Variants in GCLC observed in about 807,000 individuals in gnomAD.
GCLC encodes the protein glutamate-cysteine ligase catalytic subunit.
GCLC carries 30 observed loss-of-function variants against 81.5 expected under a neutral mutation model. That is an observed-to-expected ratio of 0.37 (90% confidence interval 0.28 to 0.50). The LOEUF (loss-of-function observed/expected upper bound fraction) is 0.50, where lower values mean the gene tolerates loss of function less well. Among genes scored for constraint, GCLC ranks in the 20% least tolerant of loss-of-function variants. The pLI, the probability that GCLC is intolerant of heterozygous loss-of-function variation, is 0.96. For synonymous variants in GCLC, 262 were observed against 273.3 expected (o/e 0.96, Z 0.41); for missense variants, 556 against 777.4 (o/e 0.72, Z 3.39).
chr6:53,540,667 C>CCACA (rs35480206), intron 1 of GCLC, among the ~76,000 whole-genome samples: 12,190 of 143,810 alleles, frequency 0.085, 693 homozygotes, highest in East Asian at 0.17. Flanking sequence ...AAGTGTCTTG[C>CCACA]CACACACACA....
chr6:53,520,593 CAG>C (rs1356986471), intron 3 of GCLC, among the ~76,000 whole-genome samples, 183 bp downstream of exon 3: 1 of 152,230 alleles, frequency 6.6e-6, no homozygotes, highest in Admixed American at 6.5e-5. Flanking sequence ...CCACAGCTGA[CAG>C]AAGCTGGCAT....
Position 53,516,179 on chromosome 6 carries a change from G to C in GCLC, c.490C>G (p.Pro164Ala), listed in dbSNP as rs1764867139. 1 of 1,613,760 alleles carries C rather than the reference G, an allele frequency of 6.2e-7. No homozygotes were observed. Among genetic ancestry groups the C allele is most frequent in the Non-Finnish European group, 8.5e-7 (1 of 1,179,724 alleles). ...GACTTGGAAGCTCCTCCTTCCACTG[G>C]GTTGGGTTTGACCTCGGGCAGTGTG... Reference protein sequence around the residue: ...GFTLPEVKPNPVEGGASKSLF... With the variant: ...GFTLPEVKPNAVEGGASKSLF... The change falls in exon 4 of 16, where the codon CCA becomes GCA. Residue 164 changes from proline to alanine, a missense_variant. Pro to Ala is a conservative substitution (Grantham distance 27, BLOSUM62 -1). Around this residue, in one of 3 missense-constraint regions of GCLC, gnomAD observed 234 missense variants for 303.8 expected, o/e 0.77. Transcript: ENST00000650454.
Position 53,514,458 on chromosome 6 carries a change from C to T in GCLC, c.600G>A (p.Lys200=), listed in dbSNP as rs1433233041. 1.9e-6 allele frequency: 3 copies of T among 1,613,350 alleles called. No homozygotes were observed. The highest frequency in any genetic ancestry group is 2.5e-6 in the Non-Finnish European group (3 of 1,179,276). Reference sequence around the variant, plus strand: ...ACTTACTTGGTACATTGATGACAACCTTTTCTCCTCTCCTATGTCGGATAT... The same window carrying T: ...ACTTACTTGGTACATTGATGACAACTTTTTCTCCTCTCCTATGTCGGATAT... ...TRNIRHRRGE[K]VVINVPIFKD... is the part of the protein sequence containing the mutation. The change falls in exon 5 of 16, where the codon AAG becomes AAA. Residue 200 remains lysine, a synonymous_variant. Transcript: ENST00000650454.
intron 4 of GCLC, among the ~76,000 whole-genome samples, 168 bp downstream of exon 4, chr6:53,515,941 G>A (rs1581736598): frequency 6.6e-6 from 1 of 152,172 alleles, no homozygotes. Flanking sequence ...AAGCCTGGGG[G>A]TACTGAAGAT....
intron 3 of GCLC, among the ~76,000 whole-genome samples, chr6:53,518,970 C>T (rs550998337): frequency 6.6e-6 from 1 of 152,166 alleles, no homozygotes; most frequent in African/African-American, 2.4e-5. Flanking sequence ...TTAAACCACC[C>T]ACTTTTCCTA....
At chr6:53,501,584 C>T (rs1581727043) in intron 12 of GCLC, among the ~76,000 whole-genome samples, 1 of 152,242 alleles carries the variant, frequency 6.6e-6, no homozygotes, top group East Asian at 1.9e-4. Flanking sequence ...GCCAGGCTGA[C>T]ATGGGACAGA....
Position 53,506,879 on chromosome 6 carries a change from A to T in GCLC, c.1197+34T>A. On this transcript the variant is annotated intron_variant, in intron 10 of 15. Coordinates refer to ENST00000650454, the MANE Select transcript of GCLC (RefSeq NM_001498.4). The surrounding 1 kb of genome is among the most constrained non-coding windows in gnomAD (Gnocchi z 4.0). ...GGATTCCAGACTCTCAGAAGTCAAT[A>T]CATAAATAAATAAAAATAAAACTGA... 9.1e-7 allele frequency: 1 copy of T among 1,093,276 alleles called. No homozygotes were observed. Among genetic ancestry groups the T allele is most frequent in the South Asian group, 1.3e-5 (1 of 78,936 alleles). 67.7% of individuals were successfully genotyped at this position (1,093,276 alleles called of 1,614,324 possible).
intron 1 of GCLC, among the ~76,000 whole-genome samples, chr6:53,524,495 T>A (rs1019203260): frequency 1.3e-5 from 2 of 152,172 alleles, no homozygotes; most frequent in African/African-American, 4.8e-5. Flanking sequence ...GCTGTAACAA[T>A]AGTTACAGTC....
At chr6:53,539,331 C>A (rs557975958) in intron 1 of GCLC, among the ~76,000 whole-genome samples, 29 of 152,154 alleles carry the variant, frequency 1.9e-4, no homozygotes, top group Non-Finnish European at 3.4e-4. Context: ...TAAATGGTGG[C>A]TAGAGTTAGG....
rs1764423371 is a variant in GCLC at position 53,498,544 on chromosome 6, C to G, written c.*212G>C. ...TGACTTTAGATATGTTATTAAAATACATTGTTAATCAAAAATACTTTACTA... is the reference window on the plus strand; with the variant it reads ...TGACTTTAGATATGTTATTAAAATAGATTGTTAATCAAAAATACTTTACTA... On this transcript the variant is annotated 3_prime_UTR_variant, in exon 16 of 16. Coordinates refer to ENST00000650454, the MANE Select transcript of GCLC (RefSeq NM_001498.4). 3 of 570,692 alleles carry G rather than the reference C, an allele frequency of 5.3e-6. No homozygotes were observed. The highest frequency in any genetic ancestry group is 9.4e-6 in the Non-Finnish European group (3 of 319,406). 35.4% of individuals were successfully genotyped at this position (570,692 alleles called of 1,614,324 possible). A position where few individuals can be genotyped will look rare whatever the true frequency, so the allele number is the denominator to read the frequency against.
chr6:53,516,967 C>T (rs1764885384), intron 3 of GCLC, among the ~76,000 whole-genome samples: 1 of 151,696 alleles, frequency 6.6e-6, no homozygotes, highest in Non-Finnish European at 1.5e-5. Context: ...ATTACATGTG[C>T]TGTGAGGGAG....
chr6:53,507,827 T>A (rs1298809827), intron 8 of GCLC, among the ~76,000 whole-genome samples: 1 of 152,206 alleles, frequency 6.6e-6, no homozygotes, highest in Non-Finnish European at 1.5e-5. Flanking sequence ...AATATACTTT[T>A]ATCTTTTAAA....
At chr6:53,544,308 G>A (rs1463079215) in intron 1 of GCLC, among the ~76,000 whole-genome samples, 188 bp downstream of exon 1, 2 of 152,232 alleles carry the variant, frequency 1.3e-5, no homozygotes, top group African/African-American at 2.4e-5. Context: ...GTCTAGTCAG[G>A]AGGATGGCCC....
intron 6 of GCLC, chr6:53,510,046 C>T (rs535461756): frequency 6.6e-6 from 1 of 152,454 alleles, no homozygotes; most frequent in South Asian, 2.1e-4. Context: ...AATACTGCAC[C>T]TGTCAAGGAA....
At chr6:53,522,589 C>T in intron 1 of GCLC, 62 bp from the exon 2 acceptor site, 1 of 1,050,940 alleles carries the variant, frequency 9.5e-7, no homozygotes, top group South Asian at 1.3e-5. Flanking sequence ...GTGTGGCCTC[C>T]AGAAGAAAAA....
At position 53,500,484 on chromosome 6, in the gene GCLC, T is replaced by C. The variant is rs922300882; in HGVS notation, c.1425A>G (p.Lys475=). Residue 475 remains lysine (K), a synonymous_variant, in exon 13 of 16, where the codon AAA becomes AAG. Coordinates refer to ENST00000650454, the MANE Select transcript of GCLC (RefSeq NM_001498.4). ...KVDENMKVAQ[K]RDAVLQGMFY... Reference sequence around the variant, plus strand: ...ACATTCCCTGCAAGACAGCATCTCTTTTCTGTGCTACCTTCATGTTCTCAT... The same window carrying C: ...ACATTCCCTGCAAGACAGCATCTCTCTTCTGTGCTACCTTCATGTTCTCAT... The C allele has an allele frequency of 5.0e-6, 8 of 1,611,876 alleles. No homozygotes were observed. Among genetic ancestry groups the C allele is most frequent in the Non-Finnish European group, 6.8e-6 (8 of 1,178,104 alleles).
In GCLC at chr6:53,506,223, C is replaced by A; in HGVS notation, c.1198-328G>T. On this transcript the variant is annotated intron_variant, in intron 10 of 15. Coordinates refer to ENST00000650454, the MANE Select transcript of GCLC (RefSeq NM_001498.4). This position sits in a 1 kb window ranked among gnomAD's most constrained non-coding sequence, Gnocchi z 4.0. Reference sequence around the variant, plus strand: ...CCTGAGAATTTTAGGAGCCAGCCTGCCTTTCCAGGTGACACTGGACACTTT... The same window carrying A: ...CCTGAGAATTTTAGGAGCCAGCCTGACTTTCCAGGTGACACTGGACACTTT... 2.8e-6 allele frequency: 1 copy of A among 353,798 alleles called. No homozygotes were observed. The highest frequency in any genetic ancestry group is 5.4e-6 in the Non-Finnish European group (1 of 183,676). 21.9% of individuals were successfully genotyped at this position (353,798 alleles called of 1,614,324 possible).
At chr6:53,526,546 C>T (rs1763084408) in intron 1 of GCLC, among the ~76,000 whole-genome samples, 1 of 151,932 alleles carries the variant, frequency 6.6e-6, no homozygotes, top group Non-Finnish European at 1.5e-5. Context: ...TGCCTGTAAT[C>T]CCAGCACTTT....
chr6:53,535,598 ATACT>A (rs1217216326), intron 1 of GCLC, among the ~76,000 whole-genome samples: 2 of 152,356 alleles, frequency 1.3e-5, no homozygotes, highest in South Asian at 2.1e-4. Flanking sequence ...GTGTCTGATA[ATACT>A]TACATCCAAA....
Sources: allele counts gnomAD v4.1 joint callset (sites outside exome capture counted in the v4.1 genomes callset), GRCh38; gene constraint gnomAD v4.1.1; regional missense constraint gnomAD v4.1.1; non-coding constraint Gnocchi (gnomAD v3.1); transcripts MANE v1.5; gene names NCBI Gene and HGNC (gene_info 2026-07-23, HGNC 2026-07-21).